Variants in DKK4 observed in about 807,000 individuals in gnomAD.
DKK4 encodes the protein dickkopf Wnt signaling pathway inhibitor 4.
Under a neutral mutation model 14.5 loss-of-function variants are expected in DKK4, and 15 were observed. The ratio of observed to expected loss-of-function variants is 1.03; its 90% CI spans 0.69 to 1.59. The LOEUF is 1.59. Among genes scored for constraint, DKK4 ranks in the 40% most tolerant of loss-of-function variants. DKK4 has a pLI of 0.00. For synonymous variants in DKK4, 89 were observed against 105.2 expected (o/e 0.85, Z 0.94); for missense variants, 272 against 280.3 (o/e 0.97, Z 0.21).
the DKK4 span, among the ~76,000 whole-genome samples, chr8:42,388,649 C>T: frequency 3.9e-5 from 6 of 152,112 alleles, 1 homozygote; most frequent in African/African-American, 9.6e-5. Context: ...TGGCTCAGTG[C>T]GAACTCCGCC....
At chr8:42,381,775 A>C (rs1310115232), upstream of DKK4, among the ~76,000 whole-genome samples, 2 of 152,188 alleles carry the variant, frequency 1.3e-5, no homozygotes. Flanking sequence ...AGGAGGGTGG[A>C]TCACTTGAGA....
rs144528734 is a variant in DKK4, at chr8:42,377,033, C to T, written c.13G>A (p.Val5Ile). ...CAGAGCCAGCTCAGCCCCAGCAGGA[C>T]GGCCGCCACCATCCTTCAATCCCGG... MVAA[V>I]LLGLSWLCSP... Residue 5 changes from valine (V) to isoleucine (I), a missense_variant, in exon 1 of 4, where the codon GTC (valine) becomes ATC (isoleucine). Physicochemically the swap from Val to Ile is conservative, Grantham distance 29. Transcript: ENST00000220812. 70 of 1,612,708 alleles carry T rather than the reference C, an allele frequency of 4.3e-5. 1 individual carries two copies. The highest frequency in any genetic ancestry group is 3.7e-4 in the African/African-American group (28 of 74,980).
upstream of DKK4, among the ~76,000 whole-genome samples, chr8:42,380,413 AAAG>A: frequency 6.8e-6 from 1 of 147,328 alleles, no homozygotes; most frequent in Non-Finnish European, 1.5e-5. Flanking sequence ...AAAAGAAAGA[AAAG>A]AAAGAAGGGA....
chr8:42,378,543 C>T (rs1391722006), upstream of DKK4, among the ~76,000 whole-genome samples: 1 of 152,068 alleles, frequency 6.6e-6, no homozygotes, highest in African/African-American at 2.4e-5. Flanking sequence ...CATGATAACC[C>T]TGGTGACTAG....
upstream of DKK4, among the ~76,000 whole-genome samples, chr8:42,379,414 GA>G (rs1280023480): frequency 4.3e-3 from 564 of 129,924 alleles, 5 homozygotes; most frequent in African/African-American, 0.016. Context: ...GAGAGAGAGA[GA>G]GAGAGAGAGA....
upstream of DKK4, among the ~76,000 whole-genome samples, chr8:42,379,378 TAGAGAGAGAGAGAGAGAGAGAGAGAG>T (rs537441477): frequency 5.8e-5 from 2 of 34,540 alleles, no homozygotes; most frequent in Non-Finnish European, 1.0e-4. Context: ...TATATATATA[TAGAGAGAGAGAGAGAGAGAGAGAGAG>T]AGAGAGAGAG....
chr8:42,383,524 C>CTTG, the DKK4 span, among the ~76,000 whole-genome samples: 1 of 152,264 alleles, frequency 6.6e-6, no homozygotes, highest in Non-Finnish European at 1.5e-5. Context: ...AGGGAACCTC[C>CTTG]CTTTCCAGCA....
chr8:42,385,474 C>T, the DKK4 span, among the ~76,000 whole-genome samples: 7 of 152,248 alleles, frequency 4.6e-5, no homozygotes, highest in East Asian at 1.4e-3. Flanking sequence ...AGCTCAGATC[C>T]TAATTCATAG....
upstream of DKK4, among the ~76,000 whole-genome samples, chr8:42,381,210 G>A (rs1246923848): frequency 2.6e-5 from 4 of 152,170 alleles, no homozygotes; most frequent in African/African-American, 7.2e-5. Context: ...GGGAGGGGAG[G>A]AGGAGCTGGG....
the DKK4 span, among the ~76,000 whole-genome samples, chr8:42,382,695 G>A: frequency 1.7e-4 from 26 of 152,340 alleles, no homozygotes; most frequent in Non-Finnish European, 3.1e-4. Flanking sequence ...CCCCTGGCAA[G>A]GATTATGGGT....
intron 3 of DKK4, 129 bp from the exon 4 acceptor site, chr8:42,374,488 T>C (rs113265581): frequency 7.9e-7 from 1 of 1,271,614 alleles, no homozygotes; most frequent in East Asian, 2.3e-5. Context: ...AGCACGCAGG[T>C]CTCACAGAGC....
chr8:42,376,435 A>C (rs1308565264), intron 1 of DKK4, among the ~76,000 whole-genome samples: 1 of 152,244 alleles, frequency 6.6e-6, no homozygotes, highest in Non-Finnish European at 1.5e-5. Context: ...ATATACACAT[A>C]CATAAAGCGA....
At position 42,374,688 on chromosome 8, in the gene DKK4, C is replaced by T. The variant is rs1281246929; in HGVS notation, c.415+73G>A. The stretch of plus-strand genomic sequence containing the variant: ...GGATGGAGAAGAATAAAATCAGTCT[C>T]ACCCTATCCTTAAGAGGCTGGGAGG... On this transcript the variant is annotated intron_variant, in intron 3 of 3. Transcript: ENST00000220812. The T allele has an allele frequency of 3.8e-6, 6 of 1,585,452 alleles. No individual in the cohort carries two copies. In the Admixed American group the frequency reaches 1.0e-4, roughly 27 times the overall value.
At chr8:42,390,510 C>G in the DKK4 span, among the ~76,000 whole-genome samples, 1 of 150,976 alleles carries the variant, frequency 6.6e-6, no homozygotes, top group East Asian at 2.0e-4. Context: ...ACTACAGGCG[C>G]CCGCCACCAC....
upstream of DKK4, among the ~76,000 whole-genome samples, chr8:42,378,647 T>C (rs1455671134): frequency 6.6e-6 from 1 of 152,070 alleles, no homozygotes; most frequent in Non-Finnish European, 1.5e-5. Context: ...TTTCTCTGCT[T>C]CCTGCTGCCT....
At chr8:42,377,310 G>T (rs925599703), upstream of DKK4, 4 of 439,278 alleles carry the variant, frequency 9.1e-6, no homozygotes, top group Admixed American at 1.1e-4. Context: ...CCCCACACAG[G>T]CTTCAACAAA....
chr8:42,376,655 A>G (rs1041389724), intron 1 of DKK4, among the ~76,000 whole-genome samples: 88 of 152,210 alleles, frequency 5.8e-4, no homozygotes, highest in Non-Finnish European at 2.4e-4. Flanking sequence ...TATTACATGT[A>G]AAAGAGCTGG....
At position 42,375,572 on chromosome 8, in the gene DKK4, T is replaced by C. The variant is rs932315388; in HGVS notation, c.262+108A>G. On this transcript the variant is annotated intron_variant, in intron 2 of 3. Coordinates refer to ENST00000220812, the MANE Select transcript of DKK4 (RefSeq NM_014420.3). ...CAGCTGCATACATTTACTTCAAGCA[T>C]GAATCTAGGAAGCACCATTAGAGAG... 11 of 1,337,654 alleles carry C rather than the reference T, an allele frequency of 8.2e-6. No homozygotes were observed. The African/African-American group carries it at 1.3e-4, about 16-fold the overall frequency. The allele number at this position is 1,337,654 out of a possible 1,614,324, so 82.9% of individuals were successfully genotyped here.
the DKK4 span, among the ~76,000 whole-genome samples, chr8:42,386,755 C>T: frequency 3.3e-5 from 5 of 152,198 alleles, no homozygotes; most frequent in African/African-American, 9.6e-5. Context: ...TCCTGAGGTG[C>T]TGGGATTACA....
Sources: gnomAD v4.1 joint callset for allele counts (sites outside exome capture counted in the v4.1 genomes callset) on GRCh38, gnomAD v4.1.1 for gene constraint, MANE v1.5 for transcripts, NCBI Gene and HGNC (gene_info 2026-07-23, HGNC 2026-07-21) for gene names.